CAMK1D: variants seen among roughly 807,000 people sequenced by gnomAD.
CAMK1D encodes calcium/calmodulin dependent protein kinase ID, also known as calcium/calmodulin-dependent protein kinase type 1D.
In CAMK1D, 9 loss-of-function variants were observed where a neutral mutation model predicts 47.7. That is an observed-to-expected ratio of 0.19 (90% confidence interval 0.11 to 0.33). The LOEUF (loss-of-function observed/expected upper bound fraction) is 0.33. CAMK1D is among the 10% of genes least tolerant of loss of function. The pLI is 1.00. For synonymous variants in CAMK1D, 184 were observed against 184.9 expected (o/e 0.99, Z 0.04); for missense variants, 291 against 488.7 (o/e 0.60, Z 3.81).
chr10:12,482,817 C>T (rs116932027), intron 1 of CAMK1D, among the ~76,000 whole-genome samples: 30 of 152,292 alleles, frequency 2.0e-4, no homozygotes, highest in Admixed American at 9.8e-4. Flanking sequence ...GATGTCACGA[C>T]GGTGCTGGAG....
intron 1 of CAMK1D, among the ~76,000 whole-genome samples, chr10:12,490,616 A>C (rs1392890605): frequency 6.6e-6 from 1 of 152,178 alleles, no homozygotes; most frequent in Non-Finnish European, 1.5e-5. Context: ...TGGGAGGCCG[A>C]GGTGGGCCGA....
chr10:12,457,938 G>T (rs1833306152), intron 1 of CAMK1D, among the ~76,000 whole-genome samples: 2 of 152,292 alleles, frequency 1.3e-5, no homozygotes, highest in Non-Finnish European at 2.9e-5. Flanking sequence ...ATAGGTGTCG[G>T]AATGCCTCCT....
chr10:12,393,702 G>A (rs1453787298), intron 1 of CAMK1D, among the ~76,000 whole-genome samples: 2 of 152,196 alleles, frequency 1.3e-5, no homozygotes, highest in Non-Finnish European at 2.9e-5. Context: ...TGATGGACGC[G>A]TGAGCATGTG....
chr10:12,829,438 C>T lies in CAMK1D; in HGVS notation c.*551C>T, dbSNP rs373928925. 6 of 152,240 alleles carry T rather than the reference C, an allele frequency of 3.9e-5. No homozygotes were observed. Among genetic ancestry groups the T allele is most frequent in the African/African-American group, 1.4e-4 (6 of 41,476 alleles). 9.4% of individuals were successfully genotyped at this position (152,240 alleles called of 1,614,324 possible). A position where few individuals can be genotyped will look rare whatever the true frequency, so the allele number is the denominator to read the frequency against. ...GAATTTAAAGGTATTTTTTAAAATT[C>T]TAATAAGAGGATCAGCCGGGTGCAA... On this transcript the variant is annotated 3_prime_UTR_variant, in exon 11 of 11. Transcript: ENST00000619168.
chr10:12,743,697 G>T (rs531255682), intron 3 of CAMK1D, among the ~76,000 whole-genome samples: 1 of 152,212 alleles, frequency 6.6e-6, no homozygotes, highest in African/African-American at 2.4e-5. Context: ...CCCAGCATCT[G>T]GCAGTCATGA....
intron 1 of CAMK1D, among the ~76,000 whole-genome samples, chr10:12,387,394 A>ATTT: frequency 2.2e-5 from 1 of 45,138 alleles, no homozygotes; most frequent in Non-Finnish European, 5.4e-5. Flanking sequence ...TATATATTAT[A>ATTT]TATTTTTATA....
intron 2 of CAMK1D, among the ~76,000 whole-genome samples, chr10:12,569,554 C>CAAAA: frequency 7.4e-6 from 1 of 135,844 alleles, no homozygotes; most frequent in South Asian, 2.4e-4. Flanking sequence ...ACTAAAAATA[C>CAAAA]AAAAAAAAAA....
At chr10:12,454,299 A>T (rs1833175961) in intron 1 of CAMK1D, among the ~76,000 whole-genome samples, 4 of 152,084 alleles carry the variant, frequency 2.6e-5, no homozygotes, top group Admixed American at 1.3e-4. Context: ...AGTAGCTGGG[A>T]CTACAGGCGC....
In CAMK1D at chr10:12,477,087, A is replaced by C. The variant is rs566359209; in HGVS notation, c.93-76138A>C. ...TGGAGTCATCGCCAATGCCCGGGGC[A>C]TGGGATTGTCAGAAAGAACGCAGGT... is the stretch of plus-strand genomic sequence containing the variant. On this transcript the variant is annotated intron_variant, in intron 1 of 10. Coordinates refer to ENST00000619168, the MANE Select transcript of CAMK1D (RefSeq NM_153498.4). Among the ~76,000 whole-genome samples the C allele has an allele frequency of 3.9e-5, 6 of 152,214 alleles. No homozygotes were observed. The East Asian group carries it at 1.2e-3, about 29-fold the overall frequency.
chr10:12,824,650 A>G (rs2131118671), intron 9 of CAMK1D, 98 bp downstream of exon 9: 1 of 969,244 alleles, frequency 1.0e-6, no homozygotes, highest in East Asian at 2.6e-5. Context: ...CCTCACCTGA[A>G]TAATTTTGCT....
intron 1 of CAMK1D, among the ~76,000 whole-genome samples, chr10:12,379,210 G>T (rs1384596332): frequency 6.6e-6 from 1 of 152,190 alleles, no homozygotes; most frequent in Non-Finnish European, 1.5e-5. Context: ...GGCTTTCTCA[G>T]TCAATGGATC....
intron 5 of CAMK1D, among the ~76,000 whole-genome samples, chr10:12,772,343 G>A (rs182408600): frequency 1.3e-5 from 2 of 152,280 alleles, no homozygotes; most frequent in African/African-American, 4.8e-5. Flanking sequence ...CATGATGCTG[G>A]TTCTCTTTTC....
At chr10:12,702,210 A>C (rs1195513055) in intron 3 of CAMK1D, among the ~76,000 whole-genome samples, 1 of 152,022 alleles carries the variant, frequency 6.6e-6, no homozygotes, top group African/African-American at 2.4e-5. Flanking sequence ...ACACAACGGA[A>C]GACGGTGGAG....
At chr10:12,359,689 C>T (rs2724769) in intron 1 of CAMK1D, among the ~76,000 whole-genome samples, 6 of 152,158 alleles carry the variant, frequency 3.9e-5, no homozygotes, top group African/African-American at 1.4e-4. Flanking sequence ...TTGGAAAATT[C>T]CTTGTCTTTC....
intron 1 of CAMK1D, among the ~76,000 whole-genome samples, chr10:12,540,121 G>A (rs1836119618): frequency 6.6e-6 from 1 of 151,270 alleles, no homozygotes; most frequent in Admixed American, 6.6e-5. Flanking sequence ...GAGAGTTGGG[G>A]GTCTTGCTCT....
rs2482040 is a variant in CAMK1D at position 12,791,171 on chromosome 10, C to G, written c.579C>G (p.Leu193=). The G allele has an allele frequency of 6.2e-7, 1 of 1,614,040 alleles. No individual in the cohort carries two copies. The stretch of plus-strand genomic sequence containing the variant: ...GTCTTTCTGCAGCTCCTGAAGTCCT[C>G]GCCCAGAAACCTTACAGCAAAGCCG... ...GTPGYVAPEV[L]AQKPYSKAVD... is the part of the protein sequence containing the mutation. The change falls in exon 6 of 11, where the codon CTC becomes CTG. Residue 193 remains leucine (L), a synonymous_variant. Transcript: ENST00000619168.
At chr10:12,451,018 G>A (rs763426552) in intron 1 of CAMK1D, among the ~76,000 whole-genome samples, 3 of 152,114 alleles carry the variant, frequency 2.0e-5, no homozygotes, top group Admixed American at 1.3e-4. Flanking sequence ...TAAGAGGTGC[G>A]GTGCTGGGTG....
At chr10:12,354,223 G>A (rs1837432660) in intron 1 of CAMK1D, among the ~76,000 whole-genome samples, 1 of 152,044 alleles carries the variant, frequency 6.6e-6, no homozygotes, top group African/African-American at 2.4e-5. Context: ...AGTTGAAGTT[G>A]TTCCTGTCTG....
intron 2 of CAMK1D, among the ~76,000 whole-genome samples, chr10:12,555,344 C>G (rs996444816): frequency 1.3e-5 from 2 of 152,202 alleles, no homozygotes; most frequent in African/African-American, 4.8e-5. Flanking sequence ...ACAGAAGAAG[C>G]TACAGCATGC....
Sources: gnomAD v4.1 joint callset for allele counts (sites outside exome capture counted in the v4.1 genomes callset) on GRCh38, gnomAD v4.1.1 for gene constraint, MANE v1.5 for transcripts, NCBI Gene and HGNC (gene_info 2026-07-23, HGNC 2026-07-21) for gene names.